SLC6A15: variants seen among roughly 807,000 people sequenced by gnomAD.
SLC6A15 encodes solute carrier family 6 member 15.
Under a neutral mutation model 68.5 loss-of-function variants are expected in SLC6A15, and 33 were observed. The ratio of observed to expected loss-of-function variants is 0.48; its 90% confidence interval spans 0.37 to 0.64. The LOEUF (loss-of-function observed/expected upper bound fraction) is 0.64, where lower values mean the gene tolerates loss of function less well. Ranked by LOEUF, SLC6A15 falls within the 30% of genes least tolerant of loss-of-function variation. The probability of loss-of-function intolerance (pLI) is 0.00; values close to 1 mark genes in which losing one functional copy is unlikely to be tolerated. For synonymous variants in SLC6A15, 347 were observed against 301.0 expected, an observed-to-expected ratio of 1.15 and a Z score of -1.58; for missense variants, 747 against 874.3, an observed-to-expected ratio of 0.85 and a Z score of 1.84.
At position 84,903,414 on chromosome 12, in the gene SLC6A15, A is replaced by G. The variant is rs573810041; in HGVS notation, c.-189+9109T>C. On this transcript the variant is annotated intron_variant, in intron 1 of 11. Coordinates refer to ENST00000266682, the MANE Select transcript of SLC6A15 (RefSeq NM_182767.6). ...AAAAAATAAAATAAAATATACTAATATGCCCTAAAAAACATTGAGAATAAA... is the reference window on the plus strand; with the variant it reads ...AAAAAATAAAATAAAATATACTAATGTGCCCTAAAAAACATTGAGAATAAA... 3.3e-5 allele frequency among the ~76,000 whole-genome samples: 5 copies of G among 152,286 alleles called. No homozygotes were observed. In the South Asian group the frequency reaches 1.0e-3, roughly 32 times the overall value.
chr12:84,899,360 C>G (rs1167644817), intron 1 of SLC6A15, among the ~76,000 whole-genome samples: 2 of 152,138 alleles, frequency 1.3e-5, no homozygotes, highest in Non-Finnish European at 2.9e-5. Flanking sequence ...AAAAATTCAG[C>G]ATTTGCTTAG....
rs1447079030 is a variant in SLC6A15 at position 84,861,668 on chromosome 12, T to C, written c.2157A>G (p.Ala719=). The C allele has an allele frequency of 6.2e-7, 1 of 1,605,328 alleles. No homozygotes were observed. The highest frequency in any genetic ancestry group is 2.2e-5 in the East Asian group (1 of 44,674). ...ATTCTGGCATATCTGGCATAATATC[T>C]GCCATCAAGTACCCTATTCCATACC... ...NGRYGIGYLM[A]DIMPDMPESD... The change falls in exon 12 of 12, where the codon GCA becomes GCG. Residue 719 remains alanine, a synonymous_variant. Transcript: ENST00000266682.
intron 5 of SLC6A15, among the ~76,000 whole-genome samples, chr12:84,877,510 A>G (rs1871604281): frequency 6.6e-6 from 1 of 152,094 alleles, no homozygotes; most frequent in South Asian, 2.1e-4. Flanking sequence ...TTGCCTGGCC[A>G]CCACTCTTCC....
intron 1 of SLC6A15, among the ~76,000 whole-genome samples, chr12:84,899,541 C>T (rs1872764001): frequency 6.6e-6 from 1 of 152,106 alleles, no homozygotes; most frequent in Admixed American, 6.5e-5. Context: ...TTTTCCATTT[C>T]ATTGCCAAGC....
intron 1 of SLC6A15, among the ~76,000 whole-genome samples, chr12:84,905,270 T>C (rs962787873): frequency 2.6e-5 from 4 of 152,074 alleles, no homozygotes; most frequent in African/African-American, 9.7e-5. Context: ...TATTCAAAAA[T>C]CAATATGTGA....
chr12:84,870,794 C>T (rs1283888585), intron 8 of SLC6A15, 124 bp from the exon 9 acceptor site: 2 of 530,916 alleles, frequency 3.8e-6, no homozygotes, highest in African/African-American at 1.9e-5. Context: ...AATAGACATG[C>T]TCAAATCAGC....
intron 4 of SLC6A15, among the ~76,000 whole-genome samples, chr12:84,884,869 G>T (rs1310486007): frequency 1.3e-5 from 2 of 151,716 alleles, no homozygotes; most frequent in Non-Finnish European, 2.9e-5. Context: ...TTATATAATA[G>T]ATTAAGTAAA....
At chr12:84,897,832 A>T (rs1445373216) in intron 1 of SLC6A15, among the ~76,000 whole-genome samples, 1 of 152,198 alleles carries the variant, frequency 6.6e-6, no homozygotes, top group African/African-American at 2.4e-5. Flanking sequence ...AGAGAAAACA[A>T]AGTAAAAGAT....
intron 10 of SLC6A15, among the ~76,000 whole-genome samples, chr12:84,866,616 C>T (rs144143323): frequency 5.3e-5 from 8 of 152,184 alleles, no homozygotes; most frequent in Middle Eastern, 3.4e-3. Context: ...CAGAAATGGA[C>T]ATGAGTCCCA....
At chr12:84,877,150 T>C (rs1301278057) in intron 5 of SLC6A15, among the ~76,000 whole-genome samples, 1 of 152,162 alleles carries the variant, frequency 6.6e-6, no homozygotes, top group Non-Finnish European at 1.5e-5. Context: ...ATATTTATAA[T>C]AGAAAAGGAA....
In SLC6A15 at chr12:84,892,099, C is replaced by T; in HGVS notation, c.22G>A (p.Val8Ile). Residue 8 changes from valine to isoleucine, a missense_variant, in exon 2 of 12, where the codon GTA becomes ATA. Physicochemically the swap from Val to Ile is conservative, Grantham distance 29. Transcript: ENST00000266682. Reference sequence around the variant, plus strand: ...ACATCATCATCTAATTCTCTTTTTACCACCTTGCTATTTTTGGGCATTGGA... The same window carrying T: ...ACATCATCATCTAATTCTCTTTTTATCACCTTGCTATTTTTGGGCATTGGA... MPKNSKV[V>I]KRELDDDVTE... 6.2e-7 allele frequency: 1 copy of T among 1,612,100 alleles called. No homozygotes were observed. The highest frequency in any genetic ancestry group is 1.3e-5 in the African/African-American group (1 of 74,506).
At chr12:84,879,408 C>A (rs571945756) in intron 5 of SLC6A15, among the ~76,000 whole-genome samples, 1 of 151,866 alleles carries the variant, frequency 6.6e-6, no homozygotes, top group East Asian at 1.9e-4. Context: ...TCACTGCAAC[C>A]ACTGCTTCCC....
intron 1 of SLC6A15, among the ~76,000 whole-genome samples, chr12:84,907,348 G>C (rs1873217353): frequency 6.8e-6 from 1 of 147,120 alleles, no homozygotes; most frequent in African/African-American, 2.5e-5. Context: ...ACTCCGTCTC[G>C]AAAAAAAACA....
At chr12:84,880,947 G>A in intron 5 of SLC6A15, 3 of 903,698 alleles carry the variant, frequency 3.3e-6, no homozygotes, top group South Asian at 5.1e-5. Flanking sequence ...ATCATGTATT[G>A]GTTGCTTAAT....
In SLC6A15 at chr12:84,861,620, CT is replaced by C. The variant is rs1482074875; in HGVS notation, c.*11del. On this transcript the variant is annotated 3_prime_UTR_variant, in exon 12 of 12. Coordinates refer to ENST00000266682, the MANE Select transcript of SLC6A15 (RefSeq NM_182767.6). The stretch of plus-strand genomic sequence containing the variant: ...AAATGAACCAAATAAAACCCACTGA[CT>C]TTTCCCCCAGCTACAAATCAGATTC... 10 of 1,579,748 alleles carry C rather than the reference CT, an allele frequency of 6.3e-6. No individual in the cohort carries two copies. The highest frequency in any genetic ancestry group is 8.6e-6 in the Non-Finnish European group (10 of 1,159,760).
At chr12:84,872,407 T>G (rs1444140738) in intron 8 of SLC6A15, among the ~76,000 whole-genome samples, 195 bp downstream of exon 8, 2 of 152,238 alleles carry the variant, frequency 1.3e-5, no homozygotes, top group East Asian at 3.9e-4. Context: ...AAGCAAATCT[T>G]TACCATTTAA....
chr12:84,907,182 T>C (rs1873205774), intron 1 of SLC6A15, among the ~76,000 whole-genome samples: 2 of 151,968 alleles, frequency 1.3e-5, no homozygotes, highest in Non-Finnish European at 1.5e-5. Flanking sequence ...ACCCTGTCTA[T>C]ACTAAAAATA....
intron 9 of SLC6A15, among the ~76,000 whole-genome samples, chr12:84,869,972 C>T (rs1000016480): frequency 6.6e-6 from 1 of 151,818 alleles, no homozygotes; most frequent in South Asian, 2.1e-4. Flanking sequence ...TATTAACTAC[C>T]ATCCATATTG....
intron 2 of SLC6A15, among the ~76,000 whole-genome samples, chr12:84,887,378 T>C (rs1465443038): frequency 6.6e-6 from 1 of 152,154 alleles, no homozygotes; most frequent in East Asian, 1.9e-4. Context: ...AGTGAAATAA[T>C]GGATTTTTTC....
Sources: allele counts gnomAD v4.1 joint callset (sites outside exome capture counted in the v4.1 genomes callset), GRCh38; gene constraint gnomAD v4.1.1; transcripts MANE v1.5; gene names NCBI Gene and HGNC (gene_info 2026-07-23, HGNC 2026-07-21).